Variants in NDUFA10 observed in about 807,000 individuals in gnomAD.
NDUFA10 encodes NADH dehydrogenase [ubiquinone] 1 alpha subcomplex subunit 10, mitochondrial.
In NDUFA10, 40 loss-of-function variants were observed where a neutral mutation model predicts 47.8. That is an observed-to-expected ratio of 0.84 (90% CI 0.65 to 1.09). The LOEUF (loss-of-function observed/expected upper bound fraction) is 1.09, where lower values mean the gene tolerates loss of function less well. Among genes scored for constraint, NDUFA10 ranks in the 50% least tolerant of loss-of-function variants. NDUFA10 has a pLI of 0.00. For missense variants in NDUFA10, 413 were observed against 451.1 expected (o/e 0.92, Z 0.76); for synonymous variants, 183 against 172.2 (o/e 1.06, Z -0.49).
intron 4 of NDUFA10, among the ~76,000 whole-genome samples, chr2:239,950,060 C>T (rs1194583895): frequency 6.6e-6 from 1 of 152,134 alleles, no homozygotes; most frequent in African/African-American, 2.4e-5. Flanking sequence ...CAGGCCGTCC[C>T]CACCTGCAGC....
intron 9 of NDUFA10, among the ~76,000 whole-genome samples, chr2:239,962,290 G>C (rs1694886834): frequency 6.6e-6 from 1 of 151,656 alleles, no homozygotes; most frequent in Non-Finnish European, 1.5e-5. Flanking sequence ...ATTTTTAAAA[G>C]AATCAGCTTT....
intron 4 of NDUFA10, among the ~76,000 whole-genome samples, chr2:239,911,069 G>A (rs879936936): frequency 1.3e-5 from 2 of 152,210 alleles, no homozygotes; most frequent in African/African-American, 2.4e-5. Context: ...GGTCTGCTGG[G>A]CAGAGGGCAC....
intron 4 of NDUFA10, among the ~76,000 whole-genome samples, chr2:239,926,427 T>A (rs929101814): frequency 6.6e-6 from 1 of 152,236 alleles, no homozygotes; most frequent in Non-Finnish European, 1.5e-5. Context: ...GTAGCCAGCA[T>A]ATGTCATAGC....
At chr2:239,896,326 G>A (rs180730514) in intron 4 of NDUFA10, among the ~76,000 whole-genome samples, 82 of 152,354 alleles carry the variant, frequency 5.4e-4, no homozygotes, top group Admixed American at 8.5e-4. Context: ...GGCAGACCTG[G>A]CCGAGCATTA....
chr2:239,989,965 AAAC>A, intron 9 of NDUFA10, 106 bp downstream of exon 9: 1 of 846,582 alleles, frequency 1.2e-6, no homozygotes, highest in African/African-American at 1.7e-5. Context: ...TCACTAAAAC[AAAC>A]AAAACACAGC....
At position 240,024,333 on chromosome 2, in the gene NDUFA10, T is replaced by C. The variant is rs542615457; in HGVS notation, c.75+894A>G. Reference sequence around the variant, plus strand: ...CACGAAGACATAAGTGAATCTTACATAGATATTTCCAAGTATTCAAGGCGT... The same window carrying C: ...CACGAAGACATAAGTGAATCTTACACAGATATTTCCAAGTATTCAAGGCGT... On this transcript the variant is annotated intron_variant, in intron 1 of 9. Coordinates refer to ENST00000252711, the MANE Select transcript of NDUFA10 (RefSeq NM_004544.4). Among the ~76,000 whole-genome samples the C allele has an allele frequency of 3.9e-5, 6 of 152,332 alleles. No homozygotes were observed. The South Asian group carries it at 6.2e-4, about 16-fold the overall frequency.
intron 4 of NDUFA10, among the ~76,000 whole-genome samples, chr2:239,919,250 C>G (rs1171410804): frequency 1.3e-5 from 2 of 152,206 alleles, no homozygotes; most frequent in Non-Finnish European, 2.9e-5. Flanking sequence ...CCTCTTCGGG[C>G]TGTTTTCTCT....
intron 4 of NDUFA10, among the ~76,000 whole-genome samples, chr2:239,931,026 T>C (rs1694164351): frequency 1.3e-5 from 2 of 151,838 alleles, no homozygotes; most frequent in Admixed American, 1.3e-4. Flanking sequence ...GAGAATGGCG[T>C]TTAGCTTTTT....
chr2:239,906,627 GC>G lies in NDUFA10; in HGVS notation c.295-11314del, dbSNP rs143923835. ...ATGGATGGCAAGAGCCAACCAGCGTGCCCCCGGGAATGCTGGTCCAGACGCT... is the reference window on the plus strand; with the variant it reads ...ATGGATGGCAAGAGCCAACCAGCGTGCCCCGGGAATGCTGGTCCAGACGCT... On this transcript the variant is annotated intron_variant, in intron 4 of 5. Transcript: ENST00000419408. This position sits in a 1 kb window ranked among gnomAD's most constrained non-coding sequence, Gnocchi z 4.3. Among the ~76,000 whole-genome samples the G allele has an allele frequency of 3.5e-4, 53 of 152,274 alleles. No individual in the cohort carries two copies. The highest frequency in any genetic ancestry group is 1.2e-3 in the African/African-American group (48 of 41,556).
chr2:239,907,551 G>T (rs562774867), intron 4 of NDUFA10, among the ~76,000 whole-genome samples: 18 of 152,250 alleles, frequency 1.2e-4, no homozygotes, highest in African/African-American at 4.3e-4. Context: ...AAATTTACAA[G>T]AAAAAATCAA....
chr2:240,021,385 AT>A lies in NDUFA10; in HGVS notation c.271del (p.Ile91PhefsTer61), dbSNP rs1187334335. 6.2e-7 allele frequency: 1 copy of A among 1,614,186 alleles called. No individual in the cohort carries two copies. ...LGFKHFPEAGIHYPDSTTGDG... is the reference protein window; with the variant it reads ...LGFKHFPEAGXHYPDSTTGDG... ...TCCTGTGGTACTGTCTGGATAATGA[AT>A]CCCCGCTTCAGGAAAGTGCTTGAAG... is the stretch of plus-strand genomic sequence containing the variant. On this transcript the variant is annotated frameshift_variant, in exon 3 of 10. Coordinates refer to ENST00000252711, the MANE Select transcript of NDUFA10 (RefSeq NM_004544.4). LOFTEE classifies it high-confidence loss of function.
At chr2:239,984,670 G>T (rs77067067) in intron 9 of NDUFA10, among the ~76,000 whole-genome samples, 1 of 152,156 alleles carries the variant, frequency 6.6e-6, no homozygotes, top group African/African-American at 2.4e-5. Flanking sequence ...ACCAAACAGG[G>T]GACAATGTAG....
intron 9 of NDUFA10, among the ~76,000 whole-genome samples, chr2:239,962,094 G>A (rs1016863397): frequency 2.0e-5 from 3 of 152,300 alleles, no homozygotes; most frequent in Middle Eastern, 3.4e-3. Flanking sequence ...GGACCACCTC[G>A]TTGCGGAGCC....
At chr2:239,925,131 T>C (rs1485520201) in intron 4 of NDUFA10, among the ~76,000 whole-genome samples, 1 of 152,194 alleles carries the variant, frequency 6.6e-6, no homozygotes, top group African/African-American at 2.4e-5. Flanking sequence ...ATCTATAGTC[T>C]TAGTGTAGTT....
intron 9 of NDUFA10, among the ~76,000 whole-genome samples, chr2:239,970,510 A>T (rs1695264523): frequency 6.6e-6 from 1 of 152,258 alleles, no homozygotes; most frequent in Non-Finnish European, 1.5e-5. Flanking sequence ...CTAAAAGACT[A>T]AAAAATTGTT....
At chr2:240,010,321 C>G (rs1479214211) in intron 6 of NDUFA10, among the ~76,000 whole-genome samples, 1 of 152,086 alleles carries the variant, frequency 6.6e-6, no homozygotes, top group South Asian at 2.1e-4. Flanking sequence ...TGAGGCTTAA[C>G]GAGTCTATGA....
intron 6 of NDUFA10, among the ~76,000 whole-genome samples, chr2:240,009,212 G>A (rs1697052286): frequency 6.6e-6 from 1 of 152,174 alleles, no homozygotes; most frequent in Non-Finnish European, 1.5e-5. Flanking sequence ...ATGTCAGGCT[G>A]GTCACTCAGT....
In NDUFA10 at chr2:239,957,946, A is replaced by G. The variant is rs1395421938; in HGVS notation, c.*3172T>C. 2.0e-5 allele frequency: 3 copies of G among 152,218 alleles called. No individual in the cohort carries two copies. The highest frequency in any genetic ancestry group is 4.4e-5 in the Non-Finnish European group (3 of 68,048). The allele number at this position is 152,218 out of a possible 1,614,324, so 9.4% of individuals were successfully genotyped here. On this transcript the variant is annotated 3_prime_UTR_variant, in exon 10 of 10. Transcript: ENST00000252711. ...TGTTATAAGGTCCTTTGCTTTGACA[A>G]TTCGAGAGAGTATTAGAAAACACTA...
chr2:239,932,491 T>C (rs1009272060), intron 4 of NDUFA10, among the ~76,000 whole-genome samples: 1 of 152,236 alleles, frequency 6.6e-6, no homozygotes, highest in Non-Finnish European at 1.5e-5. Context: ...TACACGTTTC[T>C]TGCTATTTTA....
Sources: gnomAD v4.1 joint callset for allele counts (sites outside exome capture counted in the v4.1 genomes callset) on GRCh38, gnomAD v4.1.1 for gene constraint, Gnocchi (gnomAD v3.1) non-coding constraint, MANE v1.5 for transcripts, NCBI Gene and HGNC (gene_info 2026-07-23, HGNC 2026-07-21) for gene names.